KIF6: variants seen among roughly 807,000 people sequenced by gnomAD.
The protein encoded by KIF6 is kinesin-like protein KIF6.
In KIF6, 106 loss-of-function variants were observed where a neutral mutation model predicts 112.7. The observed-to-expected ratio is 0.94, with a 90% CI of 0.80 to 1.11. The LOEUF (loss-of-function observed/expected upper bound fraction) is 1.11. Ranked by LOEUF, KIF6 falls within the 50% of genes least tolerant of loss-of-function variation. KIF6 has a pLI of 0.00. For synonymous variants in KIF6, 339 were observed against 339.9 expected (o/e 1.00, Z 0.03); for missense variants, 929 against 964.0 (o/e 0.96, Z 0.48).
At chr6:39,456,839 C>T (rs1363935540) in intron 13 of KIF6, among the ~76,000 whole-genome samples, 7 of 147,958 alleles carry the variant, frequency 4.7e-5, no homozygotes, top group Non-Finnish European at 7.4e-5. Context: ...AATATATATG[C>T]ACCCAATACA....
At chr6:39,531,596 C>G (rs1020372495) in intron 13 of KIF6, among the ~76,000 whole-genome samples, 1 of 152,170 alleles carries the variant, frequency 6.6e-6, no homozygotes. Flanking sequence ...AGCAGAGATG[C>G]CAATCCCATG....
intron 3 of KIF6, among the ~76,000 whole-genome samples, chr6:39,660,363 T>G (rs763795413): frequency 3.3e-5 from 5 of 152,188 alleles, no homozygotes; most frequent in Admixed American, 2.6e-4. Flanking sequence ...GGGTGGGAAG[T>G]CCTAAGCACA....
intron 6 of KIF6, among the ~76,000 whole-genome samples, chr6:39,598,056 G>A (rs1168851447): frequency 6.6e-6 from 1 of 152,012 alleles, no homozygotes; most frequent in African/African-American, 2.4e-5. Flanking sequence ...GATTGGTGGG[G>A]CATGCCTGTA....
At chr6:39,361,518 C>G (rs140577436) in intron 17 of KIF6, among the ~76,000 whole-genome samples, 35 of 143,998 alleles carry the variant, frequency 2.4e-4, no homozygotes, top group African/African-American at 9.1e-4. Context: ...AAGATCACAC[C>G]ACTGCACTGC....
intron 15 of KIF6, among the ~76,000 whole-genome samples, chr6:39,410,956 A>G (rs557645817): frequency 6.6e-5 from 10 of 152,330 alleles, no homozygotes; most frequent in Non-Finnish European, 1.5e-4. Flanking sequence ...CCTGGACCAG[A>G]GGTGGGTTCC....
rs112126100 is a variant in KIF6 at position 39,502,444 on chromosome 6, C to T, written c.1645+37559G>A. Among the ~76,000 whole-genome samples, 810 of 152,068 alleles carry T rather than the reference C, an allele frequency of 5.3e-3. 7 individuals carry two copies. Among genetic ancestry groups the T allele is most frequent in the African/African-American group, 0.018 (761 of 41,474 alleles). ...TGAAGCAATCACATAAACAAGTCTG[C>T]GAAATAAACAGCTAGCATCATGATG... On this transcript the variant is annotated intron_variant, in intron 13 of 22. Coordinates refer to ENST00000287152, the MANE Select transcript of KIF6 (RefSeq NM_145027.6).
At chr6:39,551,373 G>A (rs1204664538) in intron 10 of KIF6, among the ~76,000 whole-genome samples, 4 of 152,154 alleles carry the variant, frequency 2.6e-5, no homozygotes, top group African/African-American at 4.8e-5. Context: ...ATAAAGAGAG[G>A]ATGGTTAATG....
intron 16 of KIF6, among the ~76,000 whole-genome samples, chr6:39,382,108 G>T (rs758152794): frequency 6.6e-6 from 1 of 152,186 alleles, no homozygotes; most frequent in Non-Finnish European, 1.5e-5. Flanking sequence ...GACCGAAGAT[G>T]AAAATTGCCC....
At chr6:39,584,811 C>A in intron 9 of KIF6, 87 bp downstream of exon 9, 1 of 777,834 alleles carries the variant, frequency 1.3e-6, no homozygotes, top group Non-Finnish European at 2.2e-6. Context: ...AGAACATTCC[C>A]AGTACAGAGC....
At chr6:39,725,093 C>A in intron 1 of KIF6, 152 bp downstream of exon 1, 1 of 570,264 alleles carries the variant, frequency 1.8e-6, no homozygotes, top group South Asian at 2.3e-5. Flanking sequence ...TTCGCGGCTG[C>A]AGGGCTCCTC....
intron 3 of KIF6, among the ~76,000 whole-genome samples, chr6:39,670,919 CTTAG>C (rs1167782509): frequency 2.0e-5 from 3 of 152,168 alleles, no homozygotes; most frequent in Non-Finnish European, 4.4e-5. Context: ...GTAGTTAACA[CTTAG>C]TTAAACAGCT....
intron 14 of KIF6, among the ~76,000 whole-genome samples, chr6:39,430,188 C>T (rs181613381): frequency 1.3e-5 from 2 of 152,216 alleles, no homozygotes; most frequent in East Asian, 3.9e-4. Context: ...CCATTATGGC[C>T]TCCTTTCTCT....
intron 10 of KIF6, among the ~76,000 whole-genome samples, chr6:39,546,684 G>A (rs904670966): frequency 6.6e-6 from 1 of 152,084 alleles, no homozygotes; most frequent in Admixed American, 6.5e-5. Flanking sequence ...AAACTAGCCA[G>A]GCAAATTGGC....
At chr6:39,555,692 C>A (rs557299898) in intron 10 of KIF6, among the ~76,000 whole-genome samples, 33 of 152,152 alleles carry the variant, frequency 2.2e-4, no homozygotes, top group African/African-American at 7.0e-4. Context: ...GTGGCTCATA[C>A]CTGTAATCCC....
chr6:39,666,696 T>G (rs1786480364), intron 3 of KIF6, among the ~76,000 whole-genome samples: 1 of 152,198 alleles, frequency 6.6e-6, no homozygotes, highest in African/African-American at 2.4e-5. Flanking sequence ...GGATGTTTTT[T>G]GAAGGCAAGC....
At chr6:39,676,017 A>C (rs1787116609) in intron 3 of KIF6, among the ~76,000 whole-genome samples, 1 of 150,912 alleles carries the variant, frequency 6.6e-6, no homozygotes, top group Admixed American at 6.6e-5. Context: ...GTTTAATATG[A>C]GTTACAGAAA....
In KIF6 at chr6:39,561,582, T is replaced by G. The variant is rs932033229; in HGVS notation, c.1182-15894A>C. Reference sequence around the variant, plus strand: ...CATGTTGGCCAGGCTGGTCTTGAACTCCTGACCTCAAGTGATCCGCCTGCC... The same window carrying G: ...CATGTTGGCCAGGCTGGTCTTGAACGCCTGACCTCAAGTGATCCGCCTGCC... On this transcript the variant is annotated intron_variant, in intron 10 of 22. Coordinates refer to ENST00000287152, the MANE Select transcript of KIF6 (RefSeq NM_145027.6). 3.9e-5 allele frequency among the ~76,000 whole-genome samples: 6 copies of G among 152,218 alleles called. No homozygotes were observed. In the South Asian group the frequency reaches 8.3e-4, roughly 21 times the overall value.
intron 10 of KIF6, among the ~76,000 whole-genome samples, chr6:39,549,235 A>G (rs1017264103): frequency 1.3e-5 from 2 of 152,172 alleles, no homozygotes; most frequent in African/African-American, 4.8e-5. Context: ...TACAAAAAAA[A>G]AAAGCTCTCT....
intron 7 of KIF6, among the ~76,000 whole-genome samples, chr6:39,593,090 G>A (rs145267504): frequency 1.3e-5 from 2 of 152,166 alleles, no homozygotes; most frequent in Admixed American, 6.5e-5. Flanking sequence ...ATGCTTTGCT[G>A]TTCTGCTGGC....
Sources: allele counts gnomAD v4.1 joint callset (sites outside exome capture counted in the v4.1 genomes callset), GRCh38; gene constraint gnomAD v4.1.1; transcripts MANE v1.5; gene names NCBI Gene and HGNC (gene_info 2026-07-23, HGNC 2026-07-21).